The following PCDH9 variants were observed in gnomAD, a reference collection of about 807,000 sequenced individuals.
The protein encoded by PCDH9 is protocadherin-9.
Under a neutral mutation model 70.6 loss-of-function variants are expected in PCDH9, and 24 were observed. The ratio of observed to expected loss-of-function variants is 0.34; its 90% CI spans 0.25 to 0.48. The LOEUF is 0.48. Ranked by LOEUF, PCDH9 falls within the 20% of genes least tolerant of loss-of-function variation. The pLI, the probability that PCDH9 is intolerant of heterozygous loss-of-function variation, is 0.99. For missense variants in PCDH9, 1,281 were observed against 1,503.6 expected (o/e 0.85, Z 2.45); for synonymous variants, 562 against 558.5 (o/e 1.01, Z -0.09).
At chr13:66,820,418 A>G (rs1158411222) in intron 3 of PCDH9, among the ~76,000 whole-genome samples, 3 of 152,218 alleles carry the variant, frequency 2.0e-5, no homozygotes, top group African/African-American at 2.4e-5. Flanking sequence ...AATTAGTTCA[A>G]CCATTGTGGA....
intron 2 of PCDH9, among the ~76,000 whole-genome samples, chr13:67,077,171 A>G (rs955373721): frequency 6.6e-6 from 1 of 152,104 alleles, no homozygotes; most frequent in Admixed American, 6.6e-5. Context: ...CTCCCTAATC[A>G]AAGCTCCCAC....
intron 2 of PCDH9, among the ~76,000 whole-genome samples, chr13:67,140,662 A>G (rs949319729): frequency 6.6e-6 from 1 of 152,186 alleles, no homozygotes; most frequent in Non-Finnish European, 1.5e-5. Context: ...TTTCTTTAAA[A>G]ACCCCAGCTA....
intron 2 of PCDH9, among the ~76,000 whole-genome samples, chr13:67,009,438 T>A (rs148874873): frequency 0.018 from 2,767 of 152,218 alleles, 44 homozygotes; most frequent in Non-Finnish European, 0.029. Flanking sequence ...CTCTTCAAAG[T>A]CCTTATAATT....
chr13:66,338,501 T>C (rs1956073919), intron 4 of PCDH9, among the ~76,000 whole-genome samples: 1 of 152,142 alleles, frequency 6.6e-6, no homozygotes, highest in South Asian at 2.1e-4. Context: ...TTTTAATATT[T>C]GGTTTCATAA....
chr13:66,468,641 G>C (rs990286971), intron 4 of PCDH9, among the ~76,000 whole-genome samples: 2 of 152,084 alleles, frequency 1.3e-5, no homozygotes. Flanking sequence ...TTTTTGACTA[G>C]TATCCTAGTT....
intron 4 of PCDH9, among the ~76,000 whole-genome samples, chr13:66,307,655 A>G (rs1292243103): frequency 6.6e-6 from 1 of 152,080 alleles, no homozygotes; most frequent in Non-Finnish European, 1.5e-5. Context: ...TTTTATTGTT[A>G]AAATCTCCAA....
intron 2 of PCDH9, among the ~76,000 whole-genome samples, chr13:66,909,367 C>T (rs576743912): frequency 4.9e-4 from 74 of 152,010 alleles, no homozygotes; most frequent in East Asian, 2.3e-3. Flanking sequence ...ATGACTATAC[C>T]GCCCAAAGCA....
chr13:66,855,941 A>C (rs1369820773), intron 3 of PCDH9, among the ~76,000 whole-genome samples: 1 of 151,992 alleles, frequency 6.6e-6, no homozygotes, highest in African/African-American at 2.4e-5. Flanking sequence ...AAATAAAATA[A>C]AAAGACATGA....
chr13:66,824,651 GATATATATATATATATATATATAT>G (rs67211029), intron 3 of PCDH9, among the ~76,000 whole-genome samples: 2,194 of 99,092 alleles, frequency 0.022, 118 homozygotes, highest in African/African-American at 0.096. Context: ...GCGAAACTCT[GATATATATATATATATATATATAT>G]ATATATATAT....
intron 3 of PCDH9, among the ~76,000 whole-genome samples, chr13:66,831,561 T>A (rs2139408192): frequency 6.6e-6 from 1 of 152,256 alleles, no homozygotes; most frequent in East Asian, 1.9e-4. Flanking sequence ...TCACATGGTG[T>A]CATATTAAAG....
At chr13:67,161,375 T>C (rs548073582) in intron 2 of PCDH9, among the ~76,000 whole-genome samples, 39 of 152,236 alleles carry the variant, frequency 2.6e-4, no homozygotes, top group Non-Finnish European at 5.1e-4. Context: ...GATGAATCAT[T>C]CAGGAGGCCT....
chr13:66,787,560 G>A (rs1366969125), intron 3 of PCDH9, among the ~76,000 whole-genome samples: 1 of 151,856 alleles, frequency 6.6e-6, no homozygotes, highest in African/African-American at 2.4e-5. Context: ...AGGCTGCAGT[G>A]AGCTGAGATC....
chr13:66,417,487 TAC>T (rs1957480731), intron 4 of PCDH9, among the ~76,000 whole-genome samples: 1 of 152,234 alleles, frequency 6.6e-6, no homozygotes, highest in African/African-American at 2.4e-5. Flanking sequence ...ATAATAAACA[TAC>T]CTGTACATGT....
intron 3 of PCDH9, among the ~76,000 whole-genome samples, chr13:66,823,922 C>A (rs2080762412): frequency 6.6e-6 from 1 of 151,964 alleles, no homozygotes; most frequent in Non-Finnish European, 1.5e-5. Context: ...CAAATGTGTT[C>A]ATCCATTCAA....
intron 4 of PCDH9, among the ~76,000 whole-genome samples, chr13:66,626,581 GA>G (rs1197030152): frequency 6.6e-6 from 1 of 151,964 alleles, no homozygotes; most frequent in Non-Finnish European, 1.5e-5. Flanking sequence ...CGATCCTCTG[GA>G]ATTGAGGTAA....
chr13:66,790,473 G>C (rs956585833), intron 3 of PCDH9, among the ~76,000 whole-genome samples: 3 of 151,950 alleles, frequency 2.0e-5, no homozygotes, highest in Non-Finnish European at 4.4e-5. Flanking sequence ...ATTTATAATT[G>C]TGCCTGCTTT....
chr13:66,348,396 C>A (rs923131213), intron 4 of PCDH9, among the ~76,000 whole-genome samples: 2 of 55,358 alleles, frequency 3.6e-5, no homozygotes, highest in African/African-American at 6.5e-5. Flanking sequence ...GTAACATTTT[C>A]TTTTCTTTTT....
At chr13:66,306,653 T>C (rs1405609421) in intron 4 of PCDH9, among the ~76,000 whole-genome samples, 1 of 151,832 alleles carries the variant, frequency 6.6e-6, no homozygotes, top group Non-Finnish European at 1.5e-5. Flanking sequence ...AGTCTTCCTT[T>C]TAGAATATCC....
intron 3 of PCDH9, among the ~76,000 whole-genome samples, chr13:66,900,496 T>C (rs2082259343): frequency 6.6e-6 from 1 of 151,888 alleles, no homozygotes. Flanking sequence ...ACTCTAGTGG[T>C]AGATGAGAAG....
Sources: gnomAD v4.1 joint callset for allele counts (sites outside exome capture counted in the v4.1 genomes callset) on GRCh38, gnomAD v4.1.1 for gene constraint, MANE v1.5 for transcripts, NCBI Gene and HGNC (gene_info 2026-07-23, HGNC 2026-07-21) for gene names.